DOCK5: variants seen among roughly 807,000 people sequenced by gnomAD.
DOCK5 encodes the protein dedicator of cytokinesis 5.
In DOCK5, 142 loss-of-function variants were observed where a neutral mutation model predicts 251.8. That is an observed-to-expected ratio of 0.56 (90% CI 0.49 to 0.65). DOCK5 has a LOEUF of 0.65. Ranked by LOEUF, DOCK5 falls within the 30% of genes least tolerant of loss-of-function variation. The pLI, the probability that DOCK5 is intolerant of heterozygous loss-of-function variation, is 0.00. For synonymous variants in DOCK5, 842 were observed against 835.5 expected (o/e 1.01, Z -0.13); for missense variants, 2,111 against 2,312.3 (o/e 0.91, Z 1.79).
At chr8:25,362,325 C>T (rs574992811) in intron 28 of DOCK5, among the ~76,000 whole-genome samples, 1 of 152,270 alleles carries the variant, frequency 6.6e-6, no homozygotes, top group Non-Finnish European at 1.5e-5. Flanking sequence ...GCATGAGATA[C>T]ATTCTGACAA....
intron 40 of DOCK5, among the ~76,000 whole-genome samples, chr8:25,384,587 G>A (rs1283695632): frequency 6.6e-6 from 1 of 151,356 alleles, no homozygotes; most frequent in Non-Finnish European, 1.5e-5. Context: ...AGCCTCCCAA[G>A]TAGCAGGGAT....
intron 11 of DOCK5, among the ~76,000 whole-genome samples, chr8:25,307,540 T>C (rs1356072952): frequency 6.6e-6 from 1 of 152,224 alleles, no homozygotes; most frequent in Admixed American, 6.5e-5. Context: ...TATAGTACTA[T>C]GAATGTGTTA....
chr8:25,381,340 C>G (rs1801063955), intron 39 of DOCK5, among the ~76,000 whole-genome samples: 1 of 152,130 alleles, frequency 6.6e-6, no homozygotes, highest in Middle Eastern at 3.2e-3. Context: ...ATTTCATCAA[C>G]TGGGCTGGGC....
chr8:25,259,699 G>A (rs1362984972), intron 2 of DOCK5, among the ~76,000 whole-genome samples: 2 of 152,148 alleles, frequency 1.3e-5, no homozygotes, highest in African/African-American at 4.8e-5. Flanking sequence ...GTCCTCAAGC[G>A]ATCCTCCTGC....
At chr8:25,327,215 T>C (rs974412207) in intron 18 of DOCK5, among the ~76,000 whole-genome samples, 1 of 152,242 alleles carries the variant, frequency 6.6e-6, no homozygotes, top group Non-Finnish European at 1.5e-5. Flanking sequence ...ATCATCACTA[T>C]TTGTACACAG....
intron 16 of DOCK5, 87 bp downstream of exon 16, chr8:25,321,139 A>T (rs941169673): frequency 2.7e-5 from 31 of 1,145,166 alleles, no homozygotes; most frequent in Non-Finnish European, 3.9e-5. Context: ...GGAGAACAAG[A>T]TATTTGGAAA....
chr8:25,215,087 G>C (rs892462540), intron 1 of DOCK5, among the ~76,000 whole-genome samples: 1 of 152,114 alleles, frequency 6.6e-6, no homozygotes, highest in Non-Finnish European at 1.5e-5. Context: ...TCCTGGAGCT[G>C]GGGGAATCCT....
chr8:25,300,512 G>T, intron 8 of DOCK5, 64 bp from the exon 9 acceptor site: 1 of 1,436,670 alleles, frequency 7.0e-7, no homozygotes, highest in South Asian at 1.2e-5. Context: ...TCTATACTGA[G>T]GGTAGCCTCA....
rs139146477 is a variant in DOCK5 at position 25,246,953 on chromosome 8, C to T, written c.127+3196C>T. On this transcript the variant is annotated intron_variant, in intron 2 of 51. Transcript: ENST00000276440. ...CCTAGCTGGAGTACAGTAGTGTGAT[C>T]ATAACTCACTGCAGCCTTGAGCTCC... 7.1e-3 allele frequency among the ~76,000 whole-genome samples: 1,083 copies of T among 151,840 alleles called. 6 individuals are homozygous for T. Among genetic ancestry groups the T allele is most frequent in the Middle Eastern group, 0.031 (9 of 294 alleles).
Position 25,289,564 on chromosome 8 carries a change from T to C in DOCK5, c.322-2460T>C, listed in dbSNP as rs1464675866. Among the ~76,000 whole-genome samples the C allele has an allele frequency of 6.7e-5, 10 of 150,148 alleles. No individual in the cohort carries two copies. The East Asian group carries it at 1.9e-3, about 28-fold the overall frequency. ...ACTATAAAGAAGAAAGAAATGGGGC[T>C]GGGCGTGGTGGCTCACGCCTATAAT... On this transcript the variant is annotated intron_variant, in intron 5 of 51. Coordinates refer to ENST00000276440, the MANE Select transcript of DOCK5 (RefSeq NM_024940.8).
chr8:25,279,713 G>A (rs1266281476), intron 5 of DOCK5, among the ~76,000 whole-genome samples: 1 of 151,932 alleles, frequency 6.6e-6, no homozygotes, highest in Non-Finnish European at 1.5e-5. Flanking sequence ...CGCCTCCCAA[G>A]TTCAAGCAAT....
chr8:25,345,111 A>G (rs577639453), intron 25 of DOCK5, among the ~76,000 whole-genome samples: 2 of 152,306 alleles, frequency 1.3e-5, no homozygotes, highest in South Asian at 4.1e-4. Flanking sequence ...TTTTTGAAAA[A>G]AAAAATGTAT....
At chr8:25,331,061 A>G (rs191829285) in intron 18 of DOCK5, among the ~76,000 whole-genome samples, 1 of 152,156 alleles carries the variant, frequency 6.6e-6, no homozygotes, top group East Asian at 1.9e-4. Context: ...ACTGCATGAG[A>G]TTGCACTACT....
chr8:25,197,912 G>A lies in DOCK5; in HGVS notation c.43+12961G>A, dbSNP rs551390872. On this transcript the variant is annotated intron_variant, in intron 1 of 51. Coordinates refer to ENST00000276440, the MANE Select transcript of DOCK5 (RefSeq NM_024940.8). ...ACTACAGGTGCCCACCACCATGCCC[G>A]GCTAATTTTTTGCATTTTTAGTAGA... Among the ~76,000 whole-genome samples the A allele has an allele frequency of 1.4e-3, 216 of 151,986 alleles. 1 individual carries two copies. Among genetic ancestry groups the A allele is most frequent in the South Asian group, 3.9e-3 (19 of 4,818 alleles).
intron 9 of DOCK5, 21 bp downstream of exon 9, chr8:25,300,678 A>G: frequency 6.3e-7 from 1 of 1,598,404 alleles, no homozygotes; most frequent in South Asian, 1.1e-5. Context: ...CCTTCTGTTT[A>G]ATCATTCTCT....
rs1364835194 is a variant in DOCK5, at chr8:25,266,580, T to C, written c.128-2265T>C. Reference sequence around the variant, plus strand: ...CGCGGGATTAATTGGAAAACTGGATTCTTGCTTGTATGACAACCCAGGTAT... The same window carrying C: ...CGCGGGATTAATTGGAAAACTGGATCCTTGCTTGTATGACAACCCAGGTAT... On this transcript the variant is annotated intron_variant, in intron 2 of 51. Coordinates refer to ENST00000276440, the MANE Select transcript of DOCK5 (RefSeq NM_024940.8). Among the ~76,000 whole-genome samples, 45 of 151,922 alleles carry C rather than the reference T, an allele frequency of 3.0e-4. 1 individual carries two copies. The highest frequency in any genetic ancestry group is 2.9e-3 in the Admixed American group (45 of 15,270).
At chr8:25,392,099 C>G (rs1458902896) in intron 43 of DOCK5, 119 bp downstream of exon 43, 3 of 916,030 alleles carry the variant, frequency 3.3e-6, no homozygotes, top group Non-Finnish European at 5.0e-6. Context: ...GTCAAGAGAT[C>G]GAGACCATCC....
At chr8:25,204,713 G>A (rs1586226614) in intron 1 of DOCK5, among the ~76,000 whole-genome samples, 1 of 152,250 alleles carries the variant, frequency 6.6e-6, no homozygotes, top group Non-Finnish European at 1.5e-5. Context: ...CTTCTTGGCG[G>A]CTTTCATATA....
At chr8:25,370,903 T>G (rs557147709) in intron 34 of DOCK5, among the ~76,000 whole-genome samples, 13 of 152,286 alleles carry the variant, frequency 8.5e-5, no homozygotes, top group African/African-American at 3.1e-4. Context: ...CTCGGCTTCC[T>G]AATGGGCTGG....
Sources: gnomAD v4.1 joint callset for allele counts (sites outside exome capture counted in the v4.1 genomes callset) on GRCh38, gnomAD v4.1.1 for gene constraint, MANE v1.5 for transcripts, NCBI Gene and HGNC (gene_info 2026-07-23, HGNC 2026-07-21) for gene names.